Variants in USH2A observed in about 807,000 individuals in gnomAD.
USH2A encodes Usher syndrome 2A (autosomal recessive, mild).
USH2A carries 443 observed loss-of-function variants against 538.9 expected under a neutral mutation model. The ratio of observed to expected loss-of-function variants is 0.82; its 90% confidence interval spans 0.76 to 0.89. USH2A has a LOEUF of 0.89. Among genes scored for constraint, USH2A ranks in the 40% least tolerant of loss-of-function variants. The pLI, the probability that USH2A is intolerant of heterozygous loss-of-function variation, is 0.00. For missense variants in USH2A, 6,633 were observed against 6,324.8 expected (o/e 1.05, Z -1.65); for synonymous variants, 2,413 against 2,273.5 (o/e 1.06, Z -1.75).
chr1:216,385,939 A>C (rs920448240), intron 3 of USH2A, among the ~76,000 whole-genome samples: 1 of 152,156 alleles, frequency 6.6e-6, no homozygotes, highest in African/African-American at 2.4e-5. Flanking sequence ...AATTTTTTAT[A>C]ATCCAAGAAG....
At chr1:215,647,847 C>T in intron 66 of USH2A, 117 bp from the exon 67 acceptor site, 1 of 1,221,404 alleles carries the variant, frequency 8.2e-7, no homozygotes, top group Admixed American at 2.0e-5. Flanking sequence ...GCTACAGGCT[C>T]TTTAAAATTT....
intron 37 of USH2A, among the ~76,000 whole-genome samples, chr1:215,938,779 T>A (rs1157852880): frequency 6.6e-6 from 1 of 152,122 alleles, no homozygotes; most frequent in South Asian, 2.1e-4. Context: ...TCTGAGCCAT[T>A]GGGCTTTAAC....
chr1:216,054,251 A>G (rs2030895457), intron 30 of USH2A, among the ~76,000 whole-genome samples: 1 of 152,208 alleles, frequency 6.6e-6, no homozygotes, highest in Non-Finnish European at 1.5e-5. Flanking sequence ...CCAGGGAACA[A>G]GCAAAGTGAC....
intron 38 of USH2A, chr1:215,901,291 A>G (rs1157327055): frequency 2.6e-5 from 8 of 311,558 alleles, no homozygotes; most frequent in Non-Finnish European, 4.4e-5. Context: ...TCCAGATCTC[A>G]TATTCTTCCC....
chr1:215,911,973 G>A (rs1665795909), intron 38 of USH2A, among the ~76,000 whole-genome samples: 1 of 151,994 alleles, frequency 6.6e-6, no homozygotes, highest in Admixed American at 6.6e-5. Flanking sequence ...ATGATGCTGA[G>A]CACCTTTTCA....
intron 51 of USH2A, 132 bp downstream of exon 51, chr1:215,789,927 T>C (rs990323579): frequency 4.1e-5 from 33 of 804,932 alleles, no homozygotes; most frequent in Admixed American, 9.3e-5. Context: ...TCGGTATTAA[T>C]ATGGATGTAA....
intron 55 of USH2A, among the ~76,000 whole-genome samples, chr1:215,769,736 A>G (rs1400018256): frequency 1.3e-5 from 2 of 152,156 alleles, no homozygotes; most frequent in African/African-American, 4.8e-5. Flanking sequence ...GGAATGGCAG[A>G]CTCAGCACTG....
chr1:215,876,045 G>C (rs1042809600), intron 43 of USH2A, among the ~76,000 whole-genome samples: 1 of 151,410 alleles, frequency 6.6e-6, no homozygotes, highest in Non-Finnish European at 1.5e-5. Context: ...TTGAGGTCAA[G>C]GGCTAAGATG....
intron 13 of USH2A, among the ~76,000 whole-genome samples, chr1:216,241,887 C>T (rs1407174037): frequency 6.6e-6 from 1 of 152,120 alleles, no homozygotes; most frequent in African/African-American, 2.4e-5. Flanking sequence ...CAACAAAACT[C>T]CTTTCCAAAG....
chr1:215,869,655 G>A (rs879365087), intron 43 of USH2A, among the ~76,000 whole-genome samples: 1 of 152,168 alleles, frequency 6.6e-6, no homozygotes, highest in Non-Finnish European at 1.5e-5. Context: ...TAAAAGAAAT[G>A]TAGCTAGAGT....
intron 70 of USH2A, among the ~76,000 whole-genome samples, chr1:215,633,255 G>C (rs532251086): frequency 4.9e-4 from 75 of 152,276 alleles, no homozygotes; most frequent in African/African-American, 1.7e-3. Flanking sequence ...GCTCCGAGGA[G>C]GATGAGTGAG....
rs533479675 is a variant in USH2A at position 215,967,433 on chromosome 1, C to G, written c.6958-1954G>C. ...CCACCCACTTTGACCTCCCAACATG[C>G]TGGGATTACAGGTGTGAGCCACCAT... On this transcript the variant is annotated intron_variant, in intron 36 of 71. Coordinates refer to ENST00000307340, the MANE Select transcript of USH2A (RefSeq NM_206933.4). 2.6e-5 allele frequency among the ~76,000 whole-genome samples: 4 copies of G among 152,258 alleles called. No individual in the cohort carries two copies. In the South Asian group the frequency reaches 8.3e-4, roughly 32 times the overall value.
rs112967956 is a variant in USH2A at position 216,127,760 on chromosome 1, G to T, written c.4628-30547C>A. Among the ~76,000 whole-genome samples the T allele has an allele frequency of 4.3e-3, 662 of 152,280 alleles. 1 individual carries two copies. The highest frequency in any genetic ancestry group is 0.015 in the African/African-American group (636 of 41,570). On this transcript the variant is annotated intron_variant, in intron 21 of 71. Coordinates refer to ENST00000307340, the MANE Select transcript of USH2A (RefSeq NM_206933.4). ...TTTCAAAGGATTCAAATTAAATGCT[G>T]TTGTAGCAAAACTGTCAATTATCCC... is the stretch of plus-strand genomic sequence containing the variant.
intron 32 of USH2A, among the ~76,000 whole-genome samples, chr1:216,022,789 G>A (rs1012354197): frequency 9.9e-5 from 15 of 152,122 alleles, no homozygotes; most frequent in Non-Finnish European, 1.9e-4. Context: ...CTCACCTGAC[G>A]AGGAATATCT....
At chr1:216,286,866 A>ACT (rs1249410752) in intron 11 of USH2A, among the ~76,000 whole-genome samples, 11 of 152,248 alleles carry the variant, frequency 7.2e-5, no homozygotes, top group African/African-American at 2.7e-4. Flanking sequence ...AGAATGGGGT[A>ACT]AACTTTAAAG....
intron 38 of USH2A, among the ~76,000 whole-genome samples, chr1:215,923,002 A>G (rs1409702903): frequency 1.3e-5 from 2 of 152,056 alleles, no homozygotes; most frequent in African/African-American, 4.8e-5. Context: ...GTTTTAGAAA[A>G]TATTATCTCA....
chr1:215,845,827 C>T lies in USH2A; in HGVS notation c.9052G>A (p.Gly3018Arg). Residue 3018 changes from glycine (G) to arginine (R), a missense_variant, in exon 45 of 72, where the codon GGG becomes AGG. By Grantham distance (125) the Gly-to-Arg change is moderately radical (BLOSUM62 -2). Transcript: ENST00000307340. ...SAGLHATTCDGEPQGMLPPEV... is the reference protein window; with the variant it reads ...SAGLHATTCDREPQGMLPPEV... Reference sequence around the variant, plus strand: ...ATCCTTTAGAATCTGGACTCACCCCCATCGCAAGTGGTTGCATGAAGTCCT... The same window carrying T: ...ATCCTTTAGAATCTGGACTCACCCCTATCGCAAGTGGTTGCATGAAGTCCT... The T allele has an allele frequency of 1.2e-6, 2 of 1,613,514 alleles. No individual in the cohort carries two copies. The highest frequency in any genetic ancestry group is 1.7e-6 in the Non-Finnish European group (2 of 1,179,730).
At chr1:216,255,665 A>G (rs2036243963) in intron 11 of USH2A, among the ~76,000 whole-genome samples, 1 of 152,030 alleles carries the variant, frequency 6.6e-6, no homozygotes. Context: ...ATTTTGGTAG[A>G]TGTTTTGTGT....
At chr1:215,984,311 T>C (rs1391643251) in intron 35 of USH2A, among the ~76,000 whole-genome samples, 3 of 152,242 alleles carry the variant, frequency 2.0e-5, no homozygotes, top group African/African-American at 7.2e-5. Flanking sequence ...AAAATAAAAC[T>C]GTAACATGCC....
Sources: allele counts gnomAD v4.1 joint callset (sites outside exome capture counted in the v4.1 genomes callset), GRCh38; gene constraint gnomAD v4.1.1; transcripts MANE v1.5; gene names NCBI Gene and HGNC (gene_info 2026-07-23, HGNC 2026-07-21).